PLBD2: variants seen among roughly 807,000 people sequenced by gnomAD.
PLBD2 encodes putative aminopeptidase PLBD2.
Under a neutral mutation model 68.3 loss-of-function variants are expected in PLBD2, and 51 were observed. The ratio of observed to expected loss-of-function variants is 0.75; its 90% CI spans 0.60 to 0.94. PLBD2 has a LOEUF of 0.94. Ranked by LOEUF, PLBD2 falls within the 40% of genes least tolerant of loss-of-function variation. The probability of loss-of-function intolerance (pLI) is 0.00; values close to 1 mark genes in which losing one functional copy is unlikely to be tolerated. For synonymous variants in PLBD2, 314 were observed against 339.3 expected (o/e 0.93, Z 0.82); for missense variants, 729 against 792.2 (o/e 0.92, Z 0.96).
rs533812197 is a variant in PLBD2 at position 113,388,716 on chromosome 12, C to G, written c.*90C>G. On this transcript the variant is annotated 3_prime_UTR_variant, in exon 12 of 12. Transcript: ENST00000280800. ...GGCCACCGGACTTCTAACTCCAGCC[C>G]CTCCTGGGGGCTTCGTTCTCTGATC... 6 of 1,393,614 alleles carry G rather than the reference C, an allele frequency of 4.3e-6. No individual in the cohort carries two copies. Among genetic ancestry groups the G allele is most frequent in the East Asian group, 2.6e-5 (1 of 39,190 alleles). The allele number at this position is 1,393,614 out of a possible 1,614,324, so 86.3% of individuals were successfully genotyped here. A position where few individuals can be genotyped will look rare whatever the true frequency, so the allele number is the denominator to read the frequency against.
chr12:113,374,664 C>T, intron 4 of PLBD2, 90 bp downstream of exon 4: 1 of 1,448,606 alleles, frequency 6.9e-7, no homozygotes, highest in South Asian at 1.2e-5. Flanking sequence ...AACCTTGCCA[C>T]TCCCTGGCTC....
In PLBD2 at chr12:113,388,721, T is replaced by C; in HGVS notation, c.*95T>C. 7.4e-7 allele frequency: 1 copy of C among 1,342,972 alleles called. No homozygotes were observed. Among genetic ancestry groups the C allele is most frequent in the Non-Finnish European group, 1.0e-6 (1 of 1,002,700 alleles). The allele number at this position is 1,342,972 out of a possible 1,614,324, so 83.2% of individuals were successfully genotyped here. ...CCGGACTTCTAACTCCAGCCCCTCC[T>C]GGGGGCTTCGTTCTCTGATCTGGGG... On this transcript the variant is annotated 3_prime_UTR_variant, in exon 12 of 12. Coordinates refer to ENST00000280800, the MANE Select transcript of PLBD2 (RefSeq NM_173542.4).
At chr12:113,373,766 C>T (rs955088946) in intron 3 of PLBD2, among the ~76,000 whole-genome samples, 1 of 147,896 alleles carries the variant, frequency 6.8e-6, no homozygotes, top group African/African-American at 2.5e-5. Flanking sequence ...CATTCGCTCA[C>T]TCACTCATCC....
intron 5 of PLBD2, among the ~76,000 whole-genome samples, chr12:113,377,539 C>T (rs978330852): frequency 6.6e-6 from 1 of 152,172 alleles, no homozygotes; most frequent in Non-Finnish European, 1.5e-5. Flanking sequence ...GATTCTTCTG[C>T]CTCAGCCTCC....
intron 6 of PLBD2, 129 bp downstream of exon 6, chr12:113,380,971 C>G (rs1957484997): frequency 1.2e-6 from 1 of 861,054 alleles, no homozygotes; most frequent in Admixed American, 2.1e-5. Context: ...CATGTAGGAG[C>G]CAGGGGTGCA....
At chr12:113,376,042 C>T (rs1161010333) in intron 5 of PLBD2, among the ~76,000 whole-genome samples, 1 of 151,778 alleles carries the variant, frequency 6.6e-6, no homozygotes, top group African/African-American at 2.4e-5. Flanking sequence ...TTAGCAGAGA[C>T]AGGGTTTTCC....
In PLBD2 at chr12:113,374,486, C is replaced by T. The variant is rs1457312280; in HGVS notation, c.556C>T (p.Leu186Phe). ...SPYWHQVRLT[L>F]LQLKGLEDSY... is the part of the protein sequence containing the mutation. The stretch of plus-strand genomic sequence containing the variant: ...CCCCCTCCCCTAGGTGCGGCTGACC[C>T]TCCTGCAGCTGAAAGGCCTGGAGGA... Residue 186 changes from leucine to phenylalanine, a missense_variant, in exon 4 of 12, where the codon CTC becomes TTC. Leu to Phe is a conservative substitution (Grantham distance 22, BLOSUM62 0). Transcript: ENST00000280800. 4.4e-6 allele frequency: 7 copies of T among 1,599,210 alleles called. No homozygotes were observed. Among genetic ancestry groups the T allele is most frequent in the Non-Finnish European group, 5.1e-6 (6 of 1,173,442 alleles).
At chr12:113,363,196 A>G (rs1381670327) in intron 1 of PLBD2, among the ~76,000 whole-genome samples, 2 of 152,054 alleles carry the variant, frequency 1.3e-5, no homozygotes, top group East Asian at 3.9e-4. Context: ...GCACTTTGGG[A>G]GGCCGAGGCA....
At chr12:113,387,183 C>T (rs1014976270) in intron 10 of PLBD2, 94 bp downstream of exon 10, 1 of 1,450,714 alleles carries the variant, frequency 6.9e-7, no homozygotes, top group Non-Finnish European at 9.1e-7. Context: ...TCAAACTTTG[C>T]TGCCAGCCCC....
At chr12:113,380,653 GTGCCCC>G in intron 5 of PLBD2, 86 bp from the exon 6 acceptor site, 1 of 1,008,180 alleles carries the variant, frequency 9.9e-7, no homozygotes, top group Non-Finnish European at 1.5e-6. Flanking sequence ...AGGCCTGCCT[GTGCCCC>G]TGTGCCTGTG....
In PLBD2 at chr12:113,369,137, C is replaced by A; in HGVS notation, c.312C>A (p.Gly104=). The A allele has an allele frequency of 6.2e-7, 1 of 1,602,440 alleles. No homozygotes were observed. The highest frequency in any genetic ancestry group is 8.5e-7 in the Non-Finnish European group (1 of 1,174,598). Residue 104 remains glycine (G), a synonymous_variant, in exon 2 of 12, where the codon GGC becomes GGA. Coordinates refer to ENST00000280800, the MANE Select transcript of PLBD2 (RefSeq NM_173542.4). ...RETGWAFLEL[G]TSGQYNDSLQ... Reference sequence around the variant, plus strand: ...CCAGGTGGGCCTTCCTGGAGCTGGGCACAAGTGGCCAATACAATGACAGCT... The same window carrying A: ...CCAGGTGGGCCTTCCTGGAGCTGGGAACAAGTGGCCAATACAATGACAGCT...
At position 113,358,825 on chromosome 12, in the gene PLBD2, G is replaced by A; in HGVS notation, c.225G>A (p.Met75Ile). 1 of 1,514,334 alleles carries A rather than the reference G, an allele frequency of 6.6e-7. No homozygotes were observed. The highest frequency in any genetic ancestry group is 2.8e-5 in the East Asian group (1 of 35,096). 93.8% of individuals were successfully genotyped at this position (1,514,334 alleles called of 1,614,324 possible). A position where few individuals can be genotyped will look rare whatever the true frequency, so the allele number is the denominator to read the frequency against. ...LLDVSAGQLL[M>I]VDGRHPDAVA... is the part of the protein sequence containing the mutation. ...ACGTCTCGGCGGGCCAGCTGCTTAT[G>A]GTGGACGGACGCCACCCTGACGCCG... is the stretch of plus-strand genomic sequence containing the variant. Residue 75 changes from methionine (M) to isoleucine (I), a missense_variant, in exon 1 of 12, where the codon ATG becomes ATA. Met to Ile is a conservative substitution (Grantham distance 10). Coordinates refer to ENST00000280800, the MANE Select transcript of PLBD2 (RefSeq NM_173542.4).
chr12:113,382,213 C>T (rs1957497653), intron 6 of PLBD2, among the ~76,000 whole-genome samples: 1 of 152,120 alleles, frequency 6.6e-6, no homozygotes, highest in Non-Finnish European at 1.5e-5. Context: ...TATAAGTAAA[C>T]TTTTAGTATA....
Position 113,388,803 on chromosome 12 carries a change from C to G in PLBD2, c.*177C>G. 1.7e-6 allele frequency: 1 copy of G among 588,416 alleles called. No individual in the cohort carries two copies. The highest frequency in any genetic ancestry group is 2.7e-6 in the Non-Finnish European group (1 of 366,104). The allele number at this position is 588,416 out of a possible 1,614,324, so 36.4% of individuals were successfully genotyped here. ...AACCTGATGGGGCTCAGAACTGACC[C>G]CCTCTCTCCCCCGAGGTGGGTGGGC... On this transcript the variant is annotated 3_prime_UTR_variant, in exon 12 of 12. Coordinates refer to ENST00000280800, the MANE Select transcript of PLBD2 (RefSeq NM_173542.4).
rs1376280971 is a variant in PLBD2, at chr12:113,369,198, G to A, written c.373G>A (p.Val125Met). 10 of 1,602,314 alleles carry A rather than the reference G, an allele frequency of 6.2e-6. No individual in the cohort carries two copies. The highest frequency in any genetic ancestry group is 7.7e-6 in the Non-Finnish European group (9 of 1,174,608). ...AYAAGVVEAA[V>M]SEELIYMHWM... ...TGCAGCCGGTGTGGTGGAGGCTGCT[G>A]TGTCGGAGGAGGTAAGGGCCAAGGT... The change falls in exon 2 of 12, where the codon GTG (valine) becomes ATG (methionine). Residue 125 changes from valine (V) to methionine (M), a missense_variant. Coordinates refer to ENST00000280800, the MANE Select transcript of PLBD2 (RefSeq NM_173542.4).
intron 5 of PLBD2, 160 bp downstream of exon 5, chr12:113,375,167 T>C (rs768446685): frequency 2.6e-5 from 18 of 686,784 alleles, no homozygotes; most frequent in African/African-American, 5.4e-5. Flanking sequence ...TCTTTTTGAG[T>C]TGGGGTCTTG....
At chr12:113,382,983 T>G (rs1367274979) in intron 6 of PLBD2, among the ~76,000 whole-genome samples, 1 of 151,284 alleles carries the variant, frequency 6.6e-6, no homozygotes, top group East Asian at 2.0e-4. Flanking sequence ...GTGATTCTCA[T>G]GCCTCAGCCT....
Position 113,363,824 on chromosome 12 carries a change from A to G in PLBD2, c.290+4934A>G, listed in dbSNP as rs192951962. ...AGTGTTGGGATTACAGGCGTGAGCC[A>G]CTGCACCCGGACTTTTAGCTCTTTC... On this transcript the variant is annotated intron_variant, in intron 1 of 11. Transcript: ENST00000280800. Among the ~76,000 whole-genome samples, 125 of 152,318 alleles carry G rather than the reference A, an allele frequency of 8.2e-4. 2 individuals are homozygous for G. The highest frequency in any genetic ancestry group is 2.7e-3 in the African/African-American group (111 of 41,584).
chr12:113,358,596 C>G lies in PLBD2; in HGVS notation c.-5C>G. Reference sequence around the variant, plus strand: ...CCGGGCTGCGGGGCGCAGCATTGTGCGGTCATGGTGGGCCAGATGTACTGC... The same window carrying G: ...CCGGGCTGCGGGGCGCAGCATTGTGGGGTCATGGTGGGCCAGATGTACTGC... On this transcript the variant is annotated 5_prime_UTR_variant, in exon 1 of 12. Transcript: ENST00000280800. 6.8e-7 allele frequency: 1 copy of G among 1,467,236 alleles called. No individual in the cohort carries two copies. The highest frequency in any genetic ancestry group is 2.7e-5 in the Admixed American group (1 of 36,452). 90.9% of individuals were successfully genotyped at this position (1,467,236 alleles called of 1,614,324 possible). A position where few individuals can be genotyped will look rare whatever the true frequency, so the allele number is the denominator to read the frequency against.
Sources: allele counts gnomAD v4.1 joint callset (sites outside exome capture counted in the v4.1 genomes callset), GRCh38; gene constraint gnomAD v4.1.1; transcripts MANE v1.5; gene names NCBI Gene and HGNC (gene_info 2026-07-23, HGNC 2026-07-21).